Variants in WDR11 observed in about 807,000 individuals in gnomAD.
WDR11 encodes the protein WD repeat-containing protein 11.
In WDR11, 83 loss-of-function variants were observed where a neutral mutation model predicts 151.2. That is an observed-to-expected ratio of 0.55 (90% CI 0.46 to 0.66). The LOEUF (loss-of-function observed/expected upper bound fraction) is 0.66. WDR11 is among the 30% of genes least tolerant of loss of function. The probability of loss-of-function intolerance (pLI) is 0.00; values close to 1 mark genes in which losing one functional copy is unlikely to be tolerated. For synonymous variants in WDR11, 484 were observed against 533.1 expected, an observed-to-expected ratio of 0.91 and a Z score of 1.27; for missense variants, 1,301 against 1,480.9, an observed-to-expected ratio of 0.88 and a Z score of 1.99.
At chr10:120,851,557 G>C in intron 1 of WDR11, 51 bp downstream of exon 1, 1 of 1,575,116 alleles carries the variant, frequency 6.3e-7, no homozygotes, top group Non-Finnish European at 8.6e-7. Context: ...AATGTGTGAG[G>C]GGGAAGGGGG....
chr10:120,883,843 CCTT>C lies in WDR11; in HGVS notation c.1807_1809del (p.Leu603del). On this transcript the variant is annotated inframe_deletion, in exon 14 of 29. Coordinates refer to ENST00000263461, the MANE Select transcript of WDR11 (RefSeq NM_018117.12). ...AGCTATGGGATGTTAGGACTTGTAC[CCTT>C]CTTAGAGAGATGTCCAAAAACTTCC... 1 of 1,613,252 alleles carries C rather than the reference CCTT, an allele frequency of 6.2e-7. No homozygotes were observed. The highest frequency in any genetic ancestry group is 1.7e-5 in the Admixed American group (1 of 59,964).
In WDR11 at chr10:120,905,860, C is replaced by T. The variant is rs377035936; in HGVS notation, c.3292-16C>T. ...GTGCAGGATGTTTTTGTTGTTAACA[C>T]AGGCGTCTTTCTCAGGTCCGTTTGA... On this transcript the variant is annotated splice_polypyrimidine_tract_variant and intron_variant, in intron 26 of 28. Coordinates refer to ENST00000263461, the MANE Select transcript of WDR11 (RefSeq NM_018117.12). The T allele has an allele frequency of 2.6e-5, 42 of 1,614,052 alleles. No individual in the cohort carries two copies. The highest frequency in any genetic ancestry group is 3.3e-5 in the South Asian group (3 of 91,080).
chr10:120,855,312 A>C (rs1174558051), intron 2 of WDR11, among the ~76,000 whole-genome samples: 1 of 152,200 alleles, frequency 6.6e-6, no homozygotes, highest in Non-Finnish European at 1.5e-5. Flanking sequence ...TTAAGGCAGG[A>C]TGGAACAGGA....
chr10:120,880,618 C>T, intron 12 of WDR11: 2 of 504,966 alleles, frequency 4.0e-6, no homozygotes, highest in Non-Finnish European at 3.5e-6. Flanking sequence ...AAGATTGCGC[C>T]ATTGCACTCC....
chr10:120,888,942 A>G (rs1464757385), intron 16 of WDR11, 136 bp from the exon 17 acceptor site: 8 of 670,630 alleles, frequency 1.2e-5, no homozygotes, highest in South Asian at 7.8e-5. Context: ...GTTAGTGTCT[A>G]AAGTCTGTTT....
intron 9 of WDR11, among the ~76,000 whole-genome samples, chr10:120,869,395 G>A (rs1360458443): frequency 2.6e-5 from 4 of 152,078 alleles, no homozygotes; most frequent in Admixed American, 1.3e-4. Context: ...TTACAGGCGT[G>A]AGCCACCGCG....
chr10:120,885,927 A>G lies in WDR11; in HGVS notation c.1962A>G (p.Ser654=). 1.2e-6 allele frequency: 2 copies of G among 1,613,572 alleles called. No individual in the cohort carries two copies. The highest frequency in any genetic ancestry group is 8.5e-7 in the Non-Finnish European group (1 of 1,179,698). The change falls in exon 15 of 29, where the codon TCA becomes TCG. Residue 654 remains serine, a synonymous_variant. Transcript: ENST00000263461. Reference sequence around the variant, plus strand: ...ACACAGAGCTGAGTATTGTTGAATCATCTGTGATCAGGTACAGTACAGTGT... The same window carrying G: ...ACACAGAGCTGAGTATTGTTGAATCGTCTGTGATCAGGTACAGTACAGTGT... ...VSDTELSIVE[S]SVISLLQEAE... is the part of the protein sequence containing the mutation.
chr10:120,908,865 C>A lies in WDR11; in HGVS notation c.*152C>A, dbSNP rs1848178680. On this transcript the variant is annotated 3_prime_UTR_variant, in exon 29 of 29. Transcript: ENST00000263461. ...CTAAGACTATGTGTGCCCAAAAGCACATAAGCATCTATGTTGAGAGTAAGT... is the reference window on the plus strand; with the variant it reads ...CTAAGACTATGTGTGCCCAAAAGCAAATAAGCATCTATGTTGAGAGTAAGT... 1.3e-6 allele frequency: 1 copy of A among 791,638 alleles called. No homozygotes were observed. Among genetic ancestry groups the A allele is most frequent in the Non-Finnish European group, 2.1e-6 (1 of 468,720 alleles). The allele number at this position is 791,638 out of a possible 1,614,324, so 49.0% of individuals were successfully genotyped here.
At chr10:120,895,668 C>T (rs1389950169) in intron 19 of WDR11, among the ~76,000 whole-genome samples, 2 of 152,072 alleles carry the variant, frequency 1.3e-5, no homozygotes, top group African/African-American at 2.4e-5. Flanking sequence ...GATGCTTCAA[C>T]ATATGAAATG....
rs1866520 is a variant in WDR11, at chr10:120,901,375, G to T, written c.2687+277G>T. Among the ~76,000 whole-genome samples the T allele has an allele frequency of 0.64, 96,895 of 151,974 alleles. 31,882 individuals are homozygous for T. Among genetic ancestry groups the T allele is most frequent in the African/African-American group, 0.81 (33,640 of 41,470 alleles). On this transcript the variant is annotated intron_variant, in intron 21 of 28. Transcript: ENST00000263461. ...TCAAGGCAGGACTAGATGCATAGTG[G>T]GAGCATCCTTGTAGCTCAGCTTGCC...
chr10:120,888,975 T>A lies in WDR11; in HGVS notation c.2122-103T>A, dbSNP rs955741522. On this transcript the variant is annotated intron_variant, in intron 16 of 28. Transcript: ENST00000263461. ...TTTTAGGATTTGATGACTAAAAGCA[T>A]ACTAAAGCACAGCCCTTTAAATTAA... is the stretch of plus-strand genomic sequence containing the variant. 5.8e-6 allele frequency: 5 copies of A among 868,124 alleles called. No homozygotes were observed. The African/African-American group carries it at 6.7e-5, about 12-fold the overall frequency. 53.8% of individuals were successfully genotyped at this position (868,124 alleles called of 1,614,324 possible).
At position 120,906,757 on chromosome 10, in the gene WDR11, G is replaced by A. The variant is rs1416574509; in HGVS notation, c.3438-19G>A. 1 of 1,613,858 alleles carries A rather than the reference G, an allele frequency of 6.2e-7. No individual in the cohort carries two copies. The highest frequency in any genetic ancestry group is 1.3e-5 in the African/African-American group (1 of 74,848). On this transcript the variant is annotated intron_variant, in intron 27 of 28. Coordinates refer to ENST00000263461, the MANE Select transcript of WDR11 (RefSeq NM_018117.12). The stretch of plus-strand genomic sequence containing the variant: ...ATGTAAATCACAAAGCATAACTCTT[G>A]TTTTGTTCTGTTGAGCAGCATGAGA...
chr10:120,857,271 A>G (rs190226496), intron 2 of WDR11, among the ~76,000 whole-genome samples: 2 of 152,314 alleles, frequency 1.3e-5, no homozygotes, highest in East Asian at 1.9e-4. Flanking sequence ...TAAAGCAAGA[A>G]TTCTTGTTTG....
At chr10:120,901,164 T>C (rs1847799879) in intron 21 of WDR11, 66 bp downstream of exon 21, 1 of 1,339,686 alleles carries the variant, frequency 7.5e-7, no homozygotes, top group Non-Finnish European at 1.1e-6. Flanking sequence ...CAACTTTAAA[T>C]GCAATTCAAA....
At position 120,858,790 on chromosome 10, in the gene WDR11, A is replaced by G. The variant is rs1385978579; in HGVS notation, c.346A>G (p.Ile116Val). 8 of 1,614,066 alleles carry G rather than the reference A, an allele frequency of 5.0e-6. No individual in the cohort carries two copies. The highest frequency in any genetic ancestry group is 2.7e-5 in the African/African-American group (2 of 74,940). ...QCEIQEHAKP[I>V]QDVQWLWNQD... ...TGAGATCCAAGAGCATGCCAAGCCTATCCAGGGTGAGGAAAGTCTGCTCAG... is the reference window on the plus strand; with the variant it reads ...TGAGATCCAAGAGCATGCCAAGCCTGTCCAGGGTGAGGAAAGTCTGCTCAG... Residue 116 changes from isoleucine (I) to valine (V), a missense_variant, in exon 3 of 29, where the codon ATC becomes GTC. Physicochemically the swap from Ile to Val is conservative, Grantham distance 29. This residue lies in a region of WDR11 where 692 missense variants were observed against 762.5 expected (regional missense o/e 0.91). Coordinates refer to ENST00000263461, the MANE Select transcript of WDR11 (RefSeq NM_018117.12).
chr10:120,856,936 G>T (rs1458727442), intron 2 of WDR11, among the ~76,000 whole-genome samples: 1 of 152,036 alleles, frequency 6.6e-6, no homozygotes, highest in Non-Finnish European at 1.5e-5. Flanking sequence ...TTCTTGTGAG[G>T]CTCTGGTCAC....
At chr10:120,883,231 C>T (rs1436914849) in intron 13 of WDR11, among the ~76,000 whole-genome samples, 2 of 152,070 alleles carry the variant, frequency 1.3e-5, no homozygotes, top group Non-Finnish European at 2.9e-5. Flanking sequence ...TGTCAGCCAT[C>T]ATTTGCTGAT....
At position 120,860,273 on chromosome 10, in the gene WDR11, C is replaced by T. The variant is rs1846096631; in HGVS notation, c.517C>T (p.His173Tyr). 8.7e-6 allele frequency: 14 copies of T among 1,613,706 alleles called. No homozygotes were observed. The highest frequency in any genetic ancestry group is 1.2e-5 in the Non-Finnish European group (14 of 1,180,014). Residue 173 changes from histidine (H) to tyrosine (Y), a missense_variant, in exon 4 of 29, where the codon CAT becomes TAT. His to Tyr is a moderately conservative substitution (Grantham distance 83, BLOSUM62 2). Around this residue, in one of 3 missense-constraint regions of WDR11, gnomAD observed 692 missense variants for 762.5 expected, o/e 0.91. Coordinates refer to ENST00000263461, the MANE Select transcript of WDR11 (RefSeq NM_018117.12). The part of the protein sequence containing the change: ...SFSFDPFDPS[H>Y]LTLLTSEGIV... ...TTCTTTTGACCCTTTTGATCCCTCA[C>T]ATTTAACTTGTGAGTAACAGTTGCT...
chr10:120,898,936 G>T (rs1222324633), intron 19 of WDR11, among the ~76,000 whole-genome samples: 1 of 152,146 alleles, frequency 6.6e-6, no homozygotes, highest in Non-Finnish European at 1.5e-5. Context: ...TTACATAATT[G>T]TGTCTATTCA....
Sources: allele counts gnomAD v4.1 joint callset (sites outside exome capture counted in the v4.1 genomes callset), GRCh38; gene constraint gnomAD v4.1.1; regional missense constraint gnomAD v4.1.1; transcripts MANE v1.5; gene names NCBI Gene and HGNC (gene_info 2026-07-23, HGNC 2026-07-21).